The following LRCH2 variants were observed in gnomAD, a reference collection of about 807,000 sequenced individuals.
LRCH2 encodes leucine rich repeats and calponin homology domain containing 2.
A neutral mutation model predicts 68.9 loss-of-function variants in LRCH2; 38 were observed. The observed-to-expected ratio is 0.55, with a 90% CI of 0.43 to 0.72. LRCH2 has a LOEUF of 0.72. LRCH2 is among the 30% of genes least tolerant of loss of function. The probability of loss-of-function intolerance (pLI) is 0.00; values close to 1 mark genes in which losing one functional copy is unlikely to be tolerated. For synonymous variants in LRCH2, 191 were observed against 208.1 expected, an observed-to-expected ratio of 0.92 and a Z score of 0.71; for missense variants, 528 against 572.9, an observed-to-expected ratio of 0.92 and a Z score of 0.80.
At chrX:115,189,767 A>G in intron 1 of LRCH2, 1 of 1,166,876 alleles carries the variant, frequency 8.6e-7, no homozygotes, top group Non-Finnish European at 1.1e-6. Flanking sequence ...AGGTTCTCAC[A>G]CAGAACCCGT....
At chrX:115,231,524 G>A (rs1391242171) in intron 1 of LRCH2, among the ~76,000 whole-genome samples, 1 of 111,577 alleles carries the variant, frequency 9.0e-6, no homozygotes, top group African/African-American at 3.3e-5. Flanking sequence ...AAAAAAAAGA[G>A]CAGCACAAGA....
intron 14 of LRCH2, 83 bp downstream of exon 14, chrX:115,149,744 G>A (rs940813618): frequency 1.8e-6 from 1 of 550,868 alleles, no homozygotes; most frequent in Non-Finnish European, 2.9e-6. Flanking sequence ...GAGAGTTACA[G>A]TCTACCTTAT....
chrX:115,219,490 G>A (rs1569517770), intron 1 of LRCH2, among the ~76,000 whole-genome samples: 1 of 111,732 alleles, frequency 8.9e-6, no homozygotes, highest in Non-Finnish European at 1.9e-5. Flanking sequence ...GGCGGCAGCT[G>A]CCAGTAAGAC....
chrX:115,203,826 T>TC (rs1311459455), intron 1 of LRCH2, among the ~76,000 whole-genome samples: 3 of 111,810 alleles, frequency 2.7e-5, no homozygotes, highest in Non-Finnish European at 3.8e-5. Flanking sequence ...TTCCAGGTGC[T>TC]CGGTACAAAC....
chrX:115,139,607 C>T (rs782304302), intron 14 of LRCH2, among the ~76,000 whole-genome samples: 4 of 111,230 alleles, frequency 3.6e-5, no homozygotes, highest in South Asian at 7.6e-4. Flanking sequence ...TGGTGAAACA[C>T]GGTCTCTACT....
intron 12 of LRCH2, among the ~76,000 whole-genome samples, chrX:115,155,302 G>C (rs1292900384): frequency 1.8e-5 from 2 of 109,709 alleles, no homozygotes; most frequent in African/African-American, 6.6e-5. Flanking sequence ...GCTCACCCAC[G>C]TACTGCTGAA....
At chrX:115,229,440 A>G (rs2073139545) in intron 1 of LRCH2, among the ~76,000 whole-genome samples, 1 of 111,697 alleles carries the variant, frequency 9.0e-6, no homozygotes, top group Non-Finnish European at 1.9e-5. Flanking sequence ...AATATATATG[A>G]AAGTACTTAA....
chrX:115,124,552 TAGAA>T (rs2072170132), intron 16 of LRCH2, among the ~76,000 whole-genome samples: 1 of 112,453 alleles, frequency 8.9e-6, no homozygotes, highest in Admixed American at 9.5e-5. Context: ...AAGATGGAGT[TAGAA>T]AGCTTAGGCT....
chrX:115,146,149 C>T (rs2072380506), intron 14 of LRCH2, among the ~76,000 whole-genome samples: 1 of 111,365 alleles, frequency 9.0e-6, no homozygotes, highest in Admixed American at 9.6e-5. Context: ...GATTGAAATG[C>T]AGGTCATTAT....
At chrX:115,197,883 A>ACACT in intron 1 of LRCH2, among the ~76,000 whole-genome samples, 1 of 97,408 alleles carries the variant, frequency 1.0e-5, no homozygotes, top group Non-Finnish European at 2.0e-5. Flanking sequence ...ACACACACAC[A>ACACT]TTCCGAAACT....
chrX:115,171,682 G>A (rs1258863894), intron 5 of LRCH2, among the ~76,000 whole-genome samples: 2 of 101,661 alleles, frequency 2.0e-5, no homozygotes, highest in African/African-American at 3.6e-5. Flanking sequence ...TTGTTTTTTT[G>A]TTTTTTTTTT....
At chrX:115,142,510 A>G (rs889243420) in intron 14 of LRCH2, among the ~76,000 whole-genome samples, 6 of 112,066 alleles carry the variant, frequency 5.4e-5, no homozygotes, top group Admixed American at 9.5e-5. Flanking sequence ...CCAGAAATCA[A>G]TAAGAAGAAG....
intron 1 of LRCH2, among the ~76,000 whole-genome samples, chrX:115,202,670 A>G (rs2072938473): frequency 8.9e-6 from 1 of 112,385 alleles, no homozygotes; most frequent in East Asian, 2.8e-4. Context: ...CTTCACACTA[A>G]CATTTATAGC....
chrX:115,115,865 A>G (rs1556523862), intron 20 of LRCH2, among the ~76,000 whole-genome samples: 1 of 110,781 alleles, frequency 9.0e-6, no homozygotes, highest in Admixed American at 9.7e-5. Flanking sequence ...AAAGATAAAT[A>G]ATCTAACTCA....
chrX:115,191,727 G>C (rs1002926891), intron 1 of LRCH2: 6 of 1,163,794 alleles, frequency 5.2e-6, no homozygotes, highest in Non-Finnish European at 6.9e-6. Context: ...CCTACAGTGG[G>C]GGCCATGACA....
chrX:115,222,912 T>A (rs1245208493), intron 1 of LRCH2, among the ~76,000 whole-genome samples: 1 of 111,688 alleles, frequency 9.0e-6, no homozygotes, highest in African/African-American at 3.3e-5. Flanking sequence ...GTCGGAAAAT[T>A]CACACTTCCC....
At position 115,122,858 on chromosome X, in the gene LRCH2, T is replaced by C. The variant is rs782541455; in HGVS notation, c.2002A>G (p.Ile668Val). The change falls in exon 19 of 21, where the codon ATT becomes GTT. Residue 668 changes from isoleucine to valine, a missense_variant. Physicochemically the swap from Ile to Val is conservative, Grantham distance 29. Coordinates refer to ENST00000317135, the MANE Select transcript of LRCH2 (RefSeq NM_020871.4). The stretch of plus-strand genomic sequence containing the variant: ...ACCCCATCCATCAGTGCAGCTCCAA[T>C]GTCATCAGGCAAAATTACTTTTAAC... ...SRLKVILPDD[I>V]GAALMDGVVL... 16 of 1,207,637 alleles carry C rather than the reference T, an allele frequency of 1.3e-5. No homozygotes were observed. The East Asian group carries it at 4.2e-4, about 31-fold the overall frequency.
chrX:115,123,151 G>C lies in LRCH2; in HGVS notation c.1891C>G (p.Pro631Ala). 1 of 1,209,764 alleles carries C rather than the reference G, an allele frequency of 8.3e-7. No individual in the cohort carries two copies. Among genetic ancestry groups the C allele is most frequent in the Non-Finnish European group, 1.1e-6 (1 of 894,653 alleles). ...SSRQEYGAAD[P>A]GFTMRRKMEH... The stretch of plus-strand genomic sequence containing the variant: ...ATCTTTCTTCTCATTGTAAATCCTG[G>C]ATCTGCTGCCCCATATTCTTGGCGA... The change falls in exon 18 of 21, where the codon CCA (proline) becomes GCA (alanine). Residue 631 changes from proline (P) to alanine (A), a missense_variant. Coordinates refer to ENST00000317135, the MANE Select transcript of LRCH2 (RefSeq NM_020871.4).
chrX:115,215,404 T>G (rs2073034496), intron 1 of LRCH2, among the ~76,000 whole-genome samples: 1 of 110,825 alleles, frequency 9.0e-6, no homozygotes, highest in South Asian at 3.8e-4. Flanking sequence ...AAGACGCATA[T>G]GAAAATATCT....
Sources: gnomAD v4.1 joint callset for allele counts (sites outside exome capture counted in the v4.1 genomes callset) on GRCh38, gnomAD v4.1.1 for gene constraint, MANE v1.5 for transcripts, NCBI Gene and HGNC (gene_info 2026-07-23, HGNC 2026-07-21) for gene names.